The following CNKSR1 variants were observed in gnomAD, a reference collection of about 807,000 sequenced individuals.
CNKSR1 encodes the protein connector enhancer of kinase suppressor of Ras 1.
In CNKSR1, 88 loss-of-function variants were observed where a neutral mutation model predicts 95.6. The observed-to-expected ratio is 0.92, with a 90% confidence interval of 0.78 to 1.10. The LOEUF is 1.10. Ranked by LOEUF, CNKSR1 falls within the 50% of genes least tolerant of loss-of-function variation. CNKSR1 has a pLI of 0.00. For missense variants in CNKSR1, 836 were observed against 912.0 expected, an observed-to-expected ratio of 0.92 and a Z score of 1.07; for synonymous variants, 355 against 369.7, an observed-to-expected ratio of 0.96 and a Z score of 0.46.
chr1:26,188,920 G>T lies in CNKSR1; in HGVS notation c.1839G>T (p.Val613=), dbSNP rs1233293772. 3.7e-6 allele frequency: 6 copies of T among 1,613,738 alleles called. No homozygotes were observed. The highest frequency in any genetic ancestry group is 4.2e-6 in the Non-Finnish European group (5 of 1,180,022). ...GAGACCCTCAGCTCAATGAGCGAGT[G>T]CACCGTGTGCGGGCGCTACAGAGCA... The part of the protein sequence containing the change: ...RNRDPQLNER[V]HRVRALQSTL... Residue 613 remains valine (V), a synonymous_variant, in exon 20 of 21, where the codon GTG becomes GTT. Transcript: ENST00000361530.
In CNKSR1 at chr1:26,182,048, G is replaced by A. The variant is rs897906998; in HGVS notation, c.477+107G>A. On this transcript the variant is annotated intron_variant, in intron 4 of 20. Coordinates refer to ENST00000361530, the MANE Select transcript of CNKSR1 (RefSeq NM_006314.3). ...CAGGATCGAGTATGAGGATTGAGAC[G>A]GGCGAGAAAGGAGGAGAGGAGGCCC... The A allele has an allele frequency of 2.0e-5, 22 of 1,104,100 alleles. No individual in the cohort carries two copies. In the African/African-American group the frequency reaches 2.6e-4, roughly 13 times the overall value. 68.4% of individuals were successfully genotyped at this position (1,104,100 alleles called of 1,614,324 possible).
rs2783634 is a variant in CNKSR1, at chr1:26,182,782, C to T, written c.624+198C>T. ...ACCTCCCCAGTCCTGAGGGGCCACGCGGGTGTGGCCTCAGGTAGTGTGTTC... is the reference window on the plus strand; with the variant it reads ...ACCTCCCCAGTCCTGAGGGGCCACGTGGGTGTGGCCTCAGGTAGTGTGTTC... On this transcript the variant is annotated intron_variant, in intron 6 of 20. Transcript: ENST00000361530. 5.0e-3 allele frequency among the ~76,000 whole-genome samples: 761 copies of T among 152,252 alleles called. 6 individuals carry two copies. The highest frequency in any genetic ancestry group is 0.016 in the African/African-American group (673 of 41,524).
chr1:26,187,622 T>G, intron 16 of CNKSR1, 140 bp downstream of exon 16: 1 of 197,014 alleles, frequency 5.1e-6, no homozygotes, highest in Non-Finnish European at 7.5e-6. Context: ...CTCTTTCTCT[T>G]TTTTTTTTTT....
chr1:26,184,956 G>T (rs964686602), intron 13 of CNKSR1, 58 bp from the exon 14 acceptor site: 10 of 1,517,388 alleles, frequency 6.6e-6, no homozygotes, highest in Non-Finnish European at 8.8e-6. Flanking sequence ...CAGGGAGTAG[G>T]TTTAGCGGGG....
In CNKSR1 at chr1:26,188,686, G is replaced by C; in HGVS notation, c.1679G>C (p.Gly560Ala). The change falls in exon 19 of 21, where the codon GGC (glycine) becomes GCC (alanine). Residue 560 changes from glycine to alanine, a missense_variant. Coordinates refer to ENST00000361530, the MANE Select transcript of CNKSR1 (RefSeq NM_006314.3). The stretch of plus-strand genomic sequence containing the variant: ...CAGCGCAGCCCACGGACCTCCTTTG[G>C]CTCTCTGACAGGTGCTGGGCTGGAG... The part of the protein sequence containing the change: ...PTQRSPRTSF[G>A]SLTDSSEEAL... The C allele has an allele frequency of 6.2e-7, 1 of 1,613,746 alleles. No individual in the cohort carries two copies. Among genetic ancestry groups the C allele is most frequent in the Non-Finnish European group, 8.5e-7 (1 of 1,179,866 alleles).
In CNKSR1 at chr1:26,180,612, T is replaced by G. The variant is rs756733676; in HGVS notation, c.210+2T>G. ...GGGGTGGAACAGCTCCAGGCCCTGGTGAGTGAATGCTGGTCACACTGGCTG... is the reference window on the plus strand; with the variant it reads ...GGGGTGGAACAGCTCCAGGCCCTGGGGAGTGAATGCTGGTCACACTGGCTG... On this transcript the variant is annotated splice_donor_variant, in intron 2 of 20. Transcript: ENST00000361530. LOFTEE classifies it high-confidence loss of function. 7 of 1,614,080 alleles carry G rather than the reference T, an allele frequency of 4.3e-6. No individual in the cohort carries two copies. In the East Asian group the frequency reaches 1.3e-4, roughly 31 times the overall value.
Position 26,185,090 on chromosome 1 carries a change from G to T in CNKSR1, c.1212G>T (p.Leu404=). Residue 404 remains leucine (L), a synonymous_variant, in exon 14 of 21, where the codon CTG becomes CTT. Coordinates refer to ENST00000361530, the MANE Select transcript of CNKSR1 (RefSeq NM_006314.3). ...GGCCGGACTGTGACGGCTGGCTCCT[G>T]TTGCGAAAGGCACCGGGCGGCTTCA... is the stretch of plus-strand genomic sequence containing the variant. ...LGRPDCDGWL[L]LRKAPGGFMG... The T allele has an allele frequency of 6.2e-7, 1 of 1,605,828 alleles. No homozygotes were observed.
At position 26,180,720 on chromosome 1, in the gene CNKSR1, C is replaced by T. The variant is rs1378988312; in HGVS notation, c.216C>T (p.Ser72=). Residue 72 remains serine (S), a synonymous_variant, in exon 3 of 21, where the codon TCC becomes TCT. Transcript: ENST00000361530. ...TTGCCCTCTTTCTGGCACAGAGCTC[C>T]AGGCTACAGACAGAGAACCTGCAAA... ...GGVEQLQALS[S]RLQTENLQSL... 1.2e-6 allele frequency: 2 copies of T among 1,614,024 alleles called. No individual in the cohort carries two copies. The highest frequency in any genetic ancestry group is 2.7e-5 in the African/African-American group (2 of 74,932).
In CNKSR1 at chr1:26,183,403, G is replaced by A. The variant is rs374260381; in HGVS notation, c.742G>A (p.Glu248Lys). 8.1e-6 allele frequency: 13 copies of A among 1,614,020 alleles called. No individual in the cohort carries two copies. The highest frequency in any genetic ancestry group is 2.7e-5 in the African/African-American group (2 of 74,906). Residue 248 changes from glutamate to lysine, a missense_variant, in exon 8 of 21, where the codon GAG (glutamate) becomes AAG (lysine). Transcript: ENST00000361530. ...QPGDEVVQIN[E>K]QVVVGWPRKN... ...TGGAGACGAGGTTGTCCAGATCAAC[G>A]AGCAGGTGGTGGTGCGTGAGGAGAG...
Position 26,180,709 on chromosome 1 carries a change from G to A in CNKSR1, c.211-6G>A. 6.2e-7 allele frequency: 1 copy of A among 1,613,992 alleles called. No individual in the cohort carries two copies. Among genetic ancestry groups the A allele is most frequent in the Non-Finnish European group, 8.5e-7 (1 of 1,179,930 alleles). ...AGGGAGGTGACTTGCCCTCTTTCTG[G>A]CACAGAGCTCCAGGCTACAGACAGA... On this transcript the variant is annotated splice_polypyrimidine_tract_variant and splice_region_variant and intron_variant, in intron 2 of 20. Coordinates refer to ENST00000361530, the MANE Select transcript of CNKSR1 (RefSeq NM_006314.3).
Position 26,188,686 on chromosome 1 carries a change from G to T in CNKSR1, c.1679G>T (p.Gly560Val). 1.2e-6 allele frequency: 2 copies of T among 1,613,746 alleles called. No homozygotes were observed. Among genetic ancestry groups the T allele is most frequent in the Non-Finnish European group, 1.7e-6 (2 of 1,179,866 alleles). ...PTQRSPRTSF[G>V]SLTDSSEEAL... ...CAGCGCAGCCCACGGACCTCCTTTGGCTCTCTGACAGGTGCTGGGCTGGAG... is the reference window on the plus strand; with the variant it reads ...CAGCGCAGCCCACGGACCTCCTTTGTCTCTCTGACAGGTGCTGGGCTGGAG... Residue 560 changes from glycine (G) to valine (V), a missense_variant, in exon 19 of 21, where the codon GGC becomes GTC. Physicochemically the swap from Gly to Val is moderately radical, Grantham distance 109. Coordinates refer to ENST00000361530, the MANE Select transcript of CNKSR1 (RefSeq NM_006314.3).
chr1:26,188,478 A>T lies in CNKSR1; in HGVS notation c.1565A>T (p.Asp522Val). 1 of 1,605,336 alleles carries T rather than the reference A, an allele frequency of 6.2e-7. No individual in the cohort carries two copies. The highest frequency in any genetic ancestry group is 8.5e-7 in the Non-Finnish European group (1 of 1,176,094). The stretch of plus-strand genomic sequence containing the variant: ...GAGACCGAAGCAGAGGACCCGGACG[A>T]TGAGGCTGGGTCCCACTCAGCCTCG... ...YSETEAEDPD[D>V]EAGSHSASPS... The change falls in exon 18 of 21, where the codon GAT becomes GTT. Residue 522 changes from aspartate (D) to valine (V), a missense_variant. Physicochemically the swap from Asp to Val is radical, Grantham distance 152. Transcript: ENST00000361530.
chr1:26,182,342 T>C lies in CNKSR1; in HGVS notation c.478-19T>C, dbSNP rs1225857901. 3 of 1,613,910 alleles carry C rather than the reference T, an allele frequency of 1.9e-6. No individual in the cohort carries two copies. The highest frequency in any genetic ancestry group is 1.7e-5 in the Admixed American group (1 of 60,010). On this transcript the variant is annotated intron_variant, in intron 4 of 20. Coordinates refer to ENST00000361530, the MANE Select transcript of CNKSR1 (RefSeq NM_006314.3). ...GCCCTTGCTCAGGGGAGGCCCCTGC[T>C]CTCTCATTCTACTTCCAGGATGGTC...
At chr1:26,180,987 C>A in intron 3 of CNKSR1, 91 bp downstream of exon 3, 1 of 1,522,294 alleles carries the variant, frequency 6.6e-7, no homozygotes, top group South Asian at 1.1e-5. Flanking sequence ...GGCTCTTGTT[C>A]AGATATGGTG....
intron 20 of CNKSR1, 48 bp downstream of exon 20, chr1:26,189,001 C>CA (rs774014517): frequency 5.6e-5 from 89 of 1,602,334 alleles, no homozygotes; most frequent in Middle Eastern, 1.8e-4. Context: ...CTCTGGGCTT[C>CA]AGGCTTTGGT....
At chr1:26,186,939 C>A in intron 14 of CNKSR1, 4 of 456,482 alleles carry the variant, frequency 8.8e-6, no homozygotes, top group East Asian at 3.8e-5. Context: ...GGCTGTTTCT[C>A]TGATATCTTT....
chr1:26,181,729 T>C (rs757576667), intron 3 of CNKSR1, 128 bp from the exon 4 acceptor site: 1 of 850,608 alleles, frequency 1.2e-6, no homozygotes, highest in Non-Finnish European at 1.9e-6. Context: ...ATCATCTCCT[T>C]TACTCTAAAC....
intron 13 of CNKSR1, among the ~76,000 whole-genome samples, 183 bp downstream of exon 13, chr1:26,184,795 G>C (rs560747236): frequency 1.3e-5 from 2 of 151,678 alleles, no homozygotes; most frequent in Non-Finnish European, 2.9e-5. Context: ...AGGCTAACCT[G>C]TTTGCTGTGA....
intron 1 of CNKSR1, 21 bp downstream of exon 1, chr1:26,177,620 G>A: frequency 6.2e-7 from 1 of 1,613,924 alleles, no homozygotes; most frequent in Non-Finnish European, 8.5e-7. Flanking sequence ...CTGGGGTAGA[G>A]TTGGGCTTGA....
Sources: gnomAD v4.1 joint callset for allele counts (sites outside exome capture counted in the v4.1 genomes callset) on GRCh38, gnomAD v4.1.1 for gene constraint, MANE v1.5 for transcripts, NCBI Gene and HGNC (gene_info 2026-07-23, HGNC 2026-07-21) for gene names.